Variants in TMEM132D observed in about 807,000 individuals in gnomAD.
TMEM132D encodes transmembrane protein 132D.
In TMEM132D, 21 loss-of-function variants were observed where a neutral mutation model predicts 62.3. That is an observed-to-expected ratio of 0.34 (90% confidence interval 0.24 to 0.49). The LOEUF (loss-of-function observed/expected upper bound fraction) is 0.49, where lower values mean the gene tolerates loss of function less well. Ranked by LOEUF, TMEM132D falls within the 20% of genes least tolerant of loss-of-function variation. The probability of loss-of-function intolerance (pLI) is 0.99; values close to 1 mark genes in which losing one functional copy is unlikely to be tolerated. For missense variants in TMEM132D, 1,346 were observed against 1,402.8 expected (o/e 0.96, Z 0.65); for synonymous variants, 621 against 575.6 (o/e 1.08, Z -1.13).
At chr12:129,256,841 G>A (rs767152066) in intron 4 of TMEM132D, among the ~76,000 whole-genome samples, 15 of 152,208 alleles carry the variant, frequency 9.9e-5, no homozygotes, top group Non-Finnish European at 1.8e-4. Context: ...GATTGCAGGC[G>A]TGAGCCACCA....
chr12:129,669,277 A>G (rs142868118), intron 2 of TMEM132D, among the ~76,000 whole-genome samples: 1 of 152,346 alleles, frequency 6.6e-6, no homozygotes, highest in East Asian at 1.9e-4. Flanking sequence ...GAGAAAAATT[A>G]TGCTTCAAAA....
chr12:129,344,768 T>C (rs769416523), intron 3 of TMEM132D, among the ~76,000 whole-genome samples: 1 of 152,130 alleles, frequency 6.6e-6, no homozygotes, highest in Non-Finnish European at 1.5e-5. Context: ...AGACTTTATT[T>C]AACGGGTCTT....
intron 1 of TMEM132D, among the ~76,000 whole-genome samples, chr12:129,740,329 C>T (rs908590059): frequency 1.3e-5 from 2 of 152,144 alleles, no homozygotes; most frequent in African/African-American, 4.8e-5. Context: ...TCTTAAGAAA[C>T]CTGTCTAAAA....
intron 3 of TMEM132D, among the ~76,000 whole-genome samples, chr12:129,349,901 C>T (rs1869812260): frequency 1.3e-5 from 2 of 152,138 alleles, no homozygotes; most frequent in African/African-American, 4.8e-5. Flanking sequence ...CAAAACATAT[C>T]TTCAGCCCTA....
intron 2 of TMEM132D, among the ~76,000 whole-genome samples, chr12:129,632,763 T>G: frequency 6.6e-6 from 1 of 152,250 alleles, no homozygotes. Context: ...CATCCCTTCC[T>G]ACAGCCAACC....
chr12:129,262,144 T>C (rs115367998), intron 4 of TMEM132D, among the ~76,000 whole-genome samples: 13 of 152,130 alleles, frequency 8.5e-5, no homozygotes, highest in Admixed American at 3.9e-4. Flanking sequence ...TGTGTTCTAT[T>C]TGTAAAGGGA....
intron 3 of TMEM132D, among the ~76,000 whole-genome samples, chr12:129,454,762 G>A (rs4759575): frequency 0.25 from 37,985 of 152,072 alleles, 5,349 homozygotes; most frequent in East Asian, 0.63. Context: ...CTTTCTGTCC[G>A]TGTCTCTGCC....
intron 2 of TMEM132D, among the ~76,000 whole-genome samples, chr12:129,623,674 CACAT>C (rs1373758811): frequency 0.027 from 2,928 of 108,038 alleles, 109 homozygotes; most frequent in African/African-American, 0.088. Context: ...CATATATATA[CACAT>C]ATATATACAT....
At chr12:129,881,024 T>C (rs1874574888) in intron 1 of TMEM132D, among the ~76,000 whole-genome samples, 1 of 151,836 alleles carries the variant, frequency 6.6e-6, no homozygotes, top group African/African-American at 2.4e-5. Context: ...AATAAAAGGA[T>C]AGGGAAAATA....
chr12:129,545,460 G>A (rs1205422826), intron 2 of TMEM132D, among the ~76,000 whole-genome samples: 1 of 151,144 alleles, frequency 6.6e-6, no homozygotes, highest in Non-Finnish European at 1.5e-5. Context: ...ATATTTCATT[G>A]TGGTAAGAAC....
At chr12:129,565,443 G>A (rs916431441) in intron 2 of TMEM132D, among the ~76,000 whole-genome samples, 20 of 152,200 alleles carry the variant, frequency 1.3e-4, no homozygotes, top group African/African-American at 4.6e-4. Context: ...CAGTCCTAAG[G>A]TGTTGTAAAA....
At chr12:129,116,113 C>T (rs934717277) in intron 5 of TMEM132D, among the ~76,000 whole-genome samples, 1 of 152,218 alleles carries the variant, frequency 6.6e-6, no homozygotes, top group Admixed American at 6.5e-5. Flanking sequence ...CAGAGGAAGA[C>T]CTTACCCAGA....
intron 3 of TMEM132D, among the ~76,000 whole-genome samples, chr12:129,438,618 G>A (rs939515765): frequency 2.0e-5 from 3 of 152,164 alleles, no homozygotes; most frequent in African/African-American, 7.2e-5. Flanking sequence ...TGGGGTGGGT[G>A]TAGGTACTGG....
rs1003269266 is a variant in TMEM132D, at chr12:129,554,393, C to T, written c.969-23188G>A. Among the ~76,000 whole-genome samples the T allele has an allele frequency of 3.3e-5, 5 of 152,104 alleles. No homozygotes were observed. The South Asian group carries it at 1.0e-3, about 32-fold the overall frequency. ...GCAAGCATGGCCTAGGATGGACAGC[C>T]ATCTGCAAGTGGAAGAGAAAGGTGG... On this transcript the variant is annotated intron_variant, in intron 2 of 8. Coordinates refer to ENST00000422113, the MANE Select transcript of TMEM132D (RefSeq NM_133448.3).
At chr12:129,339,332 G>C (rs1439003066) in intron 3 of TMEM132D, among the ~76,000 whole-genome samples, 1 of 125,642 alleles carries the variant, frequency 8.0e-6, no homozygotes, top group African/African-American at 2.7e-5. Context: ...AAAAGAAAGA[G>C]GAGGGGAAGG....
intron 2 of TMEM132D, among the ~76,000 whole-genome samples, chr12:129,617,731 C>A (rs1214658440): frequency 6.6e-6 from 1 of 152,142 alleles, no homozygotes; most frequent in African/African-American, 2.4e-5. Flanking sequence ...CTCACTGCAT[C>A]CTCTCCTGGT....
intron 3 of TMEM132D, among the ~76,000 whole-genome samples, chr12:129,467,014 A>T (rs1035358339): frequency 6.6e-6 from 1 of 152,236 alleles, no homozygotes; most frequent in Non-Finnish European, 1.5e-5. Context: ...ACAGTCCCTC[A>T]GAGCTGAATC....
chr12:129,116,310 C>G (rs1356820657), intron 5 of TMEM132D, among the ~76,000 whole-genome samples: 1 of 152,146 alleles, frequency 6.6e-6, no homozygotes, highest in Admixed American at 6.5e-5. Context: ...CTATTCTTCT[C>G]AGGGAAAGAC....
intron 1 of TMEM132D, among the ~76,000 whole-genome samples, chr12:129,798,722 CTGAGAAGGAAGTCAGGGTTCTGGCTTAG>C (rs1871644144): frequency 6.9e-6 from 1 of 144,474 alleles, no homozygotes; most frequent in Non-Finnish European, 1.5e-5. Context: ...GGAGATAAGA[CTGAGAAGGAAGTCAGGGTTCTGGCTTAG>C]AGAAGGGGTG....
Sources: gnomAD v4.1 joint callset for allele counts (sites outside exome capture counted in the v4.1 genomes callset) on GRCh38, gnomAD v4.1.1 for gene constraint, MANE v1.5 for transcripts, NCBI Gene and HGNC (gene_info 2026-07-23, HGNC 2026-07-21) for gene names.